The following DOCK2 variants were observed in gnomAD, a reference collection of about 807,000 sequenced individuals.
The protein encoded by DOCK2 is dedicator of cytokinesis protein 2.
DOCK2 carries 87 observed loss-of-function variants against 248.9 expected under a neutral mutation model. That is an observed-to-expected ratio of 0.35 (90% confidence interval 0.29 to 0.42). DOCK2 has a LOEUF of 0.42. DOCK2 is among the 10% of genes least tolerant of loss of function. The pLI, the probability that DOCK2 is intolerant of heterozygous loss-of-function variation, is 1.00. For missense variants in DOCK2, 1,747 were observed against 2,300.2 expected, an observed-to-expected ratio of 0.76 and a Z score of 4.92; for synonymous variants, 805 against 821.6, an observed-to-expected ratio of 0.98 and a Z score of 0.35.
intron 7 of DOCK2, among the ~76,000 whole-genome samples, chr5:169,683,431 A>G (rs532970039): frequency 1.3e-5 from 2 of 151,908 alleles, no homozygotes; most frequent in Non-Finnish European, 2.9e-5. Flanking sequence ...GGTTTTCACT[A>G]TGTTGCCGAG....
chr5:169,698,784 T>C (rs1581054830), intron 11 of DOCK2, among the ~76,000 whole-genome samples: 3 of 152,056 alleles, frequency 2.0e-5, no homozygotes, highest in South Asian at 4.1e-4. Context: ...AAACAGATAA[T>C]CAACAAAAGA....
At chr5:169,732,174 C>T (rs938041356) in intron 22 of DOCK2, among the ~76,000 whole-genome samples, 1 of 152,134 alleles carries the variant, frequency 6.6e-6, no homozygotes, top group African/African-American at 2.4e-5. Context: ...GGTGATAATA[C>T]TATCATGCTA....
intron 25 of DOCK2, among the ~76,000 whole-genome samples, chr5:169,782,618 T>G (rs1581181664): frequency 6.6e-6 from 1 of 151,486 alleles, no homozygotes; most frequent in East Asian, 1.9e-4. Flanking sequence ...GGGTCAGAAA[T>G]AGGGGGAACA....
In DOCK2 at chr5:169,676,859, A is replaced by C. The variant is rs114327033; in HGVS notation, c.470+2414A>C. Among the ~76,000 whole-genome samples the C allele has an allele frequency of 3.0e-3, 462 of 152,326 alleles. 2 individuals are homozygous for C. Among genetic ancestry groups the C allele is most frequent in the African/African-American group, 0.01 (435 of 41,562 alleles). ...GGCCCCAAGGGTACAGGGTACAGAC[A>C]CATACACAATACAGTCTCTGTTTTT... On this transcript the variant is annotated intron_variant, in intron 6 of 51. Coordinates refer to ENST00000520908, the MANE Select transcript of DOCK2 (RefSeq NM_004946.3).
At chr5:170,080,385 G>T (rs1227693498) in intron 50 of DOCK2, 102 bp downstream of exon 50, 1 of 1,542,132 alleles carries the variant, frequency 6.5e-7, no homozygotes, top group African/African-American at 1.4e-5. Context: ...CAACAAAGTG[G>T]GCCAGGCATC....
intron 2 of DOCK2, among the ~76,000 whole-genome samples, chr5:169,664,366 A>G (rs1159352741): frequency 1.3e-5 from 2 of 152,272 alleles, no homozygotes; most frequent in East Asian, 1.9e-4. Context: ...ACATCTTTCT[A>G]TCTTTTTCTG....
At chr5:169,825,333 T>C (rs1303877062) in intron 26 of DOCK2, among the ~76,000 whole-genome samples, 1 of 152,058 alleles carries the variant, frequency 6.6e-6, no homozygotes, top group African/African-American at 2.4e-5. Flanking sequence ...ATGTTTATTG[T>C]GGCACTATTC....
intron 25 of DOCK2, among the ~76,000 whole-genome samples, chr5:169,776,471 A>G (rs1464398085): frequency 1.3e-5 from 2 of 152,220 alleles, no homozygotes; most frequent in African/African-American, 2.4e-5. Context: ...GGCCTGTATC[A>G]TATATTTTAT....
chr5:169,995,804 T>C (rs1159832598), intron 29 of DOCK2, among the ~76,000 whole-genome samples: 1 of 152,230 alleles, frequency 6.6e-6, no homozygotes, highest in Middle Eastern at 3.2e-3. Context: ...AGATCTTTTC[T>C]GGATAGCATG....
Position 170,027,884 on chromosome 5 carries a change from A to T in DOCK2, c.3403A>T (p.Lys1135Ter). 1 of 1,613,050 alleles carries T rather than the reference A, an allele frequency of 6.2e-7. No homozygotes were observed. The highest frequency in any genetic ancestry group is 8.5e-7 in the Non-Finnish European group (1 of 1,179,398). Reference sequence around the variant, plus strand: ...TCAGTTTGAAAACGAAATCATCCTGAAGCTGGACCACGAGGTAGAAGGGGG... The same window carrying T: ...TCAGTTTGAAAACGAAATCATCCTGTAGCTGGACCACGAGGTAGAAGGGGG... ...FKKFENEIIL[K>*]LDHEVEGGRG... is the part of the protein sequence containing the mutation. The change falls in exon 34 of 52, where the codon AAG becomes TAG. Residue 1135 changes from lysine (K) to a stop codon, truncating the protein, a stop_gained. Transcript: ENST00000520908. LOFTEE classifies it high-confidence loss of function.
chr5:169,892,890 T>G (rs1385051651), intron 27 of DOCK2, among the ~76,000 whole-genome samples: 2 of 151,990 alleles, frequency 1.3e-5, no homozygotes, highest in African/African-American at 2.4e-5. Flanking sequence ...CTGTCTTCAC[T>G]CCTTCTTTTC....
chr5:169,919,754 G>A (rs149492617), intron 27 of DOCK2, among the ~76,000 whole-genome samples: 158 of 152,204 alleles, frequency 1.0e-3, no homozygotes, highest in African/African-American at 3.7e-3. Flanking sequence ...CTGCTAATGT[G>A]GGGGCAACTG....
Position 170,027,896 on chromosome 5 carries a change from G to A in DOCK2, c.3415G>A (p.Glu1139Lys), listed in dbSNP as rs1755976458. 1 of 1,613,384 alleles carries A rather than the reference G, an allele frequency of 6.2e-7. No homozygotes were observed. The highest frequency in any genetic ancestry group is 1.1e-5 in the South Asian group (1 of 90,958). Residue 1139 changes from glutamate (E) to lysine (K), a missense_variant, in exon 34 of 52, where the codon GAG (glutamate) becomes AAG (lysine). By Grantham distance (56) the Glu-to-Lys change is moderately conservative (BLOSUM62 1). This residue lies in a region of DOCK2 where 858 missense variants were observed against 1,183.5 expected (regional missense o/e 0.72). Coordinates refer to ENST00000520908, the MANE Select transcript of DOCK2 (RefSeq NM_004946.3). ...ENEIILKLDH[E>K]VEGGRGDEQY... is the part of the protein sequence containing the mutation. Reference sequence around the variant, plus strand: ...CGAAATCATCCTGAAGCTGGACCACGAGGTAGAAGGGGGCCGAGGCGACGA... The same window carrying A: ...CGAAATCATCCTGAAGCTGGACCACAAGGTAGAAGGGGGCCGAGGCGACGA...
At chr5:169,893,369 G>T (rs1178670517) in intron 27 of DOCK2, among the ~76,000 whole-genome samples, 2 of 152,064 alleles carry the variant, frequency 1.3e-5, no homozygotes, top group Admixed American at 6.5e-5. Flanking sequence ...AAGGGCATTG[G>T]CTTAATATTA....
chr5:169,779,870 C>T (rs578082351), intron 25 of DOCK2, among the ~76,000 whole-genome samples: 4 of 152,268 alleles, frequency 2.6e-5, no homozygotes, highest in Non-Finnish European at 5.9e-5. Context: ...CCCTCAGGTT[C>T]CAGGTGTGGA....
chr5:169,952,334 T>C (rs1776696138), intron 27 of DOCK2, among the ~76,000 whole-genome samples: 1 of 152,118 alleles, frequency 6.6e-6, no homozygotes, highest in South Asian at 2.1e-4. Context: ...TATGTAAAAA[T>C]CAATGCAGCA....
rs752478081 is a variant in DOCK2 at position 170,050,372 on chromosome 5, T to C, written c.4188T>C (p.Asp1396=). The stretch of plus-strand genomic sequence containing the variant: ...TGAACACCACCTCTGCCCCGGGAGA[T>C]GATGTGAAGAATGCCCCAGGCCAGT... The part of the protein sequence containing the change: ...EKMNTTSAPG[D]DVKNAPGQYI... The change falls in exon 41 of 52, where the codon GAT becomes GAC. Residue 1396 remains aspartate, a synonymous_variant. Transcript: ENST00000520908. 3 of 1,613,856 alleles carry C rather than the reference T, an allele frequency of 1.9e-6. No individual in the cohort carries two copies. Among genetic ancestry groups the C allele is most frequent in the Non-Finnish European group, 2.5e-6 (3 of 1,179,930 alleles).
At chr5:169,789,827 AC>A (rs1400798090) in intron 25 of DOCK2, among the ~76,000 whole-genome samples, 1 of 152,208 alleles carries the variant, frequency 6.6e-6, no homozygotes, top group Non-Finnish European at 1.5e-5. Flanking sequence ...AGAAAAGAAA[AC>A]CAGGCCAGCG....
intron 27 of DOCK2, among the ~76,000 whole-genome samples, chr5:169,896,539 G>A (rs1226586748): frequency 3.3e-5 from 5 of 152,224 alleles, no homozygotes; most frequent in Admixed American, 6.5e-5. Flanking sequence ...GAAGCTGGCT[G>A]TAAGATTTAA....
Sources: allele counts gnomAD v4.1 joint callset (sites outside exome capture counted in the v4.1 genomes callset), GRCh38; gene constraint gnomAD v4.1.1; regional missense constraint gnomAD v4.1.1; transcripts MANE v1.5; gene names NCBI Gene and HGNC (gene_info 2026-07-23, HGNC 2026-07-21).